The following THSD7A variants were observed in gnomAD, a reference collection of about 807,000 sequenced individuals.
The protein encoded by THSD7A is thrombospondin type-1 domain-containing protein 7A.
A neutral mutation model predicts 231.3 loss-of-function variants in THSD7A; 96 were observed. That is an observed-to-expected ratio of 0.41 (90% CI 0.35 to 0.49). The LOEUF (loss-of-function observed/expected upper bound fraction) is 0.49, where lower values mean the gene tolerates loss of function less well. Ranked by LOEUF, THSD7A falls within the 20% of genes least tolerant of loss-of-function variation. THSD7A has a pLI of 0.05. For missense variants in THSD7A, 2,290 were observed against 2,070.2 expected (o/e 1.11, Z -2.06); for synonymous variants, 940 against 743.3 (o/e 1.26, Z -4.30).
chr7:11,643,458 G>T (rs1195797633), intron 1 of THSD7A, among the ~76,000 whole-genome samples: 1 of 151,930 alleles, frequency 6.6e-6, no homozygotes, highest in African/African-American at 2.4e-5. Flanking sequence ...ATCGTATTTT[G>T]CTGTCCTTCT....
At chr7:11,481,306 C>G (rs2128304681) in intron 7 of THSD7A, among the ~76,000 whole-genome samples, 1 of 152,162 alleles carries the variant, frequency 6.6e-6, no homozygotes, top group South Asian at 2.1e-4. Flanking sequence ...TCAAGAAACT[C>G]AAAGAAACTG....
intron 4 of THSD7A, among the ~76,000 whole-genome samples, chr7:11,544,150 A>G (rs1789272672): frequency 6.6e-6 from 1 of 152,026 alleles, no homozygotes. Flanking sequence ...GAGACCATCC[A>G]GGCCAGCATG....
chr7:11,546,202 G>GCGCGCGCGCGCACACACACA (rs761841418), intron 4 of THSD7A, among the ~76,000 whole-genome samples: 25 of 129,448 alleles, frequency 1.9e-4, no homozygotes, highest in African/African-American at 6.3e-4. Flanking sequence ...GTGGGCGCGC[G>GCGCGCGCGCGCACACACACA]CTCACACACA....
At chr7:11,822,438 G>A (rs1423935461) in intron 1 of THSD7A, among the ~76,000 whole-genome samples, 1 of 151,786 alleles carries the variant, frequency 6.6e-6, no homozygotes, top group East Asian at 1.9e-4. Flanking sequence ...CATTTTCATT[G>A]TCCATTCTTC....
At chr7:11,643,788 T>C (rs1043134149) in intron 1 of THSD7A, among the ~76,000 whole-genome samples, 1 of 152,040 alleles carries the variant, frequency 6.6e-6, no homozygotes, top group Non-Finnish European at 1.5e-5. Flanking sequence ...TTTCCAATAT[T>C]ATAAAGAATG....
chr7:11,785,298 G>T (rs111946992), intron 1 of THSD7A, among the ~76,000 whole-genome samples: 1 of 151,894 alleles, frequency 6.6e-6, no homozygotes, highest in African/African-American at 2.4e-5. Flanking sequence ...ATTCATAGGC[G>T]CATTCATTAT....
At chr7:11,716,110 T>C (rs1781126695) in intron 1 of THSD7A, among the ~76,000 whole-genome samples, 1 of 151,634 alleles carries the variant, frequency 6.6e-6, no homozygotes, top group Non-Finnish European at 1.5e-5. Context: ...TCAATACTAC[T>C]TACCCTTCTT....
intron 1 of THSD7A, among the ~76,000 whole-genome samples, chr7:11,764,512 C>T (rs1178625464): frequency 2.1e-5 from 3 of 143,700 alleles, no homozygotes; most frequent in African/African-American, 2.6e-5. Context: ...ACCCAGGAGG[C>T]GGAGCCGAGA....
intron 2 of THSD7A, among the ~76,000 whole-genome samples, chr7:11,622,423 ATGAT>A (rs1351106201): frequency 3.3e-5 from 5 of 152,206 alleles, no homozygotes; most frequent in Admixed American, 6.6e-5. Flanking sequence ...TTTTACATTC[ATGAT>A]TTTTTTGTAT....
chr7:11,693,342 A>G (rs566067445), intron 1 of THSD7A, among the ~76,000 whole-genome samples: 1 of 151,670 alleles, frequency 6.6e-6, no homozygotes, highest in African/African-American at 2.4e-5. Context: ...ATATCATTTT[A>G]TACTTCACAG....
intron 2 of THSD7A, among the ~76,000 whole-genome samples, chr7:11,619,400 T>G (rs554213401): frequency 2.9e-4 from 43 of 147,246 alleles, no homozygotes; most frequent in African/African-American, 1.1e-3. Flanking sequence ...TTTCTTACTG[T>G]ACTTTTTTTT....
chr7:11,499,485 G>A (rs556507037), intron 6 of THSD7A, among the ~76,000 whole-genome samples: 4 of 152,300 alleles, frequency 2.6e-5, no homozygotes, highest in Admixed American at 1.3e-4. Context: ...TGGCTGAAAT[G>A]ACAGAAATAG....
At chr7:11,792,685 T>C (rs537809730) in intron 1 of THSD7A, among the ~76,000 whole-genome samples, 5 of 152,128 alleles carry the variant, frequency 3.3e-5, no homozygotes, top group Non-Finnish European at 7.4e-5. Flanking sequence ...AAAAAATGGA[T>C]AGGCAATCCA....
chr7:11,586,287 T>C (rs1007923701), intron 4 of THSD7A, among the ~76,000 whole-genome samples: 3 of 152,210 alleles, frequency 2.0e-5, no homozygotes, highest in Admixed American at 2.0e-4. Context: ...TACATAATGG[T>C]GTTATAGAAA....
chr7:11,496,490 A>C (rs1787103857), intron 6 of THSD7A, among the ~76,000 whole-genome samples: 1 of 152,152 alleles, frequency 6.6e-6, no homozygotes, highest in Admixed American at 6.5e-5. Flanking sequence ...AGATTCAGTG[A>C]CCATATGACC....
At chr7:11,660,717 G>A (rs997686110) in intron 1 of THSD7A, among the ~76,000 whole-genome samples, 5 of 151,398 alleles carry the variant, frequency 3.3e-5, no homozygotes, top group Non-Finnish European at 7.4e-5. Context: ...TATGGATTAA[G>A]TAGGTAAATA....
At chr7:11,554,435 T>G (rs919410923) in intron 4 of THSD7A, among the ~76,000 whole-genome samples, 1 of 152,092 alleles carries the variant, frequency 6.6e-6, no homozygotes. Flanking sequence ...AAGTATAATG[T>G]TAGCTATAGG....
At chr7:11,476,229 C>G (rs1786169674) in intron 7 of THSD7A, among the ~76,000 whole-genome samples, 1 of 150,706 alleles carries the variant, frequency 6.6e-6, no homozygotes, top group Non-Finnish European at 1.5e-5. Context: ...TGAGACAATT[C>G]CTACAGTTTA....
intron 4 of THSD7A, among the ~76,000 whole-genome samples, chr7:11,560,227 T>C (rs987693570): frequency 5.3e-5 from 8 of 152,130 alleles, no homozygotes; most frequent in Admixed American, 5.2e-4. Context: ...TGCAGTATCA[T>C]AAGGTTTTGG....
Sources: gnomAD v4.1 joint callset for allele counts (sites outside exome capture counted in the v4.1 genomes callset) on GRCh38, gnomAD v4.1.1 for gene constraint, MANE v1.5 for transcripts, NCBI Gene and HGNC (gene_info 2026-07-23, HGNC 2026-07-21) for gene names.